Variants in CNTN1 observed in about 807,000 individuals in gnomAD.
CNTN1 encodes contactin-1.
A neutral mutation model predicts 126.4 loss-of-function variants in CNTN1; 38 were observed. That is an observed-to-expected ratio of 0.30 (90% CI 0.23 to 0.39). The LOEUF is 0.39. Ranked by LOEUF, CNTN1 falls within the 10% of genes least tolerant of loss-of-function variation. CNTN1 has a pLI of 1.00. For missense variants in CNTN1, 1,009 were observed against 1,248.4 expected (o/e 0.81, Z 2.89); for synonymous variants, 413 against 422.6 (o/e 0.98, Z 0.28).
chr12:40,880,567 T>A (rs1943836801), intron 1 of CNTN1, among the ~76,000 whole-genome samples: 1 of 152,038 alleles, frequency 6.6e-6, no homozygotes, highest in African/African-American at 2.4e-5. Flanking sequence ...CTATTGGTGC[T>A]ATGTGCAAAA....
intron 1 of CNTN1, among the ~76,000 whole-genome samples, chr12:40,850,952 TG>T (rs1263748719): frequency 1.3e-5 from 2 of 152,234 alleles, no homozygotes; most frequent in African/African-American, 4.8e-5. Context: ...ACCATTTGAT[TG>T]GCACGAAACG....
At chr12:40,762,412 C>G (rs1938898512) in intron 1 of CNTN1, among the ~76,000 whole-genome samples, 1 of 152,066 alleles carries the variant, frequency 6.6e-6, no homozygotes, top group Non-Finnish European at 1.5e-5. Flanking sequence ...GAAGTCATCA[C>G]CTTAGAAAAC....
At chr12:40,878,885 C>T (rs1450046896) in intron 1 of CNTN1, among the ~76,000 whole-genome samples, 3 of 152,036 alleles carry the variant, frequency 2.0e-5, no homozygotes, top group Admixed American at 6.6e-5. Flanking sequence ...CCTAGTTGTT[C>T]GAAGGCTTAC....
At chr12:41,056,856 T>C (rs1237589102) in intron 23 of CNTN1, among the ~76,000 whole-genome samples, 1 of 146,944 alleles carries the variant, frequency 6.8e-6, no homozygotes, top group African/African-American at 2.5e-5. Context: ...GATCATAATT[T>C]ATTATATTAT....
chr12:41,029,700 A>G (rs546026459), intron 23 of CNTN1, among the ~76,000 whole-genome samples: 59 of 152,244 alleles, frequency 3.9e-4, no homozygotes, highest in African/African-American at 1.4e-3. Flanking sequence ...ACTTCTATCA[A>G]AAGGAAATAC....
At position 40,943,619 on chromosome 12, in the gene CNTN1, A is replaced by G; in HGVS notation, c.1402A>G (p.Ser468Gly). The change falls in exon 13 of 24, where the codon AGC becomes GGC. Residue 468 changes from serine (S) to glycine (G), a missense_variant. Ser to Gly is a moderately conservative substitution (Grantham distance 56). Transcript: ENST00000551295. Reference protein sequence around the residue: ...SSRILIWEDGSLEINNITRND... With the variant: ...SSRILIWEDGGLEINNITRND... ...TAGAATACTCATTTGGGAAGATGGTAGCTTGGAAATCAACAACATTACAAG... is the reference window on the plus strand; with the variant it reads ...TAGAATACTCATTTGGGAAGATGGTGGCTTGGAAATCAACAACATTACAAG... 1.9e-6 allele frequency: 3 copies of G among 1,588,866 alleles called. No homozygotes were observed. Among genetic ancestry groups the G allele is most frequent in the South Asian group, 1.1e-5 (1 of 90,636 alleles).
chr12:40,932,969 G>C (rs934209920), intron 7 of CNTN1, among the ~76,000 whole-genome samples: 7 of 151,482 alleles, frequency 4.6e-5, no homozygotes, highest in Non-Finnish European at 7.4e-5. Flanking sequence ...TGTGTTGTCT[G>C]AGTAAATGTT....
chr12:40,732,138 C>T (rs76237529), intron 1 of CNTN1, among the ~76,000 whole-genome samples: 3,320 of 152,008 alleles, frequency 0.022, 51 homozygotes, highest in African/African-American at 0.045. Flanking sequence ...TTTGCCTCAC[C>T]GTATGGAAGG....
At chr12:40,826,842 G>A (rs1941628504) in intron 1 of CNTN1, among the ~76,000 whole-genome samples, 1 of 152,110 alleles carries the variant, frequency 6.6e-6, no homozygotes, top group Admixed American at 6.6e-5. Flanking sequence ...ATGATCAGGT[G>A]GAATGACATA....
intron 1 of CNTN1, among the ~76,000 whole-genome samples, chr12:40,868,019 T>G (rs1327883128): frequency 6.6e-6 from 1 of 151,866 alleles, no homozygotes; most frequent in African/African-American, 2.4e-5. Context: ...TAATTTCTGG[T>G]TTTAGCTTTA....
At chr12:40,693,060 A>G (rs1037363877) in intron 1 of CNTN1, among the ~76,000 whole-genome samples, 1 of 152,184 alleles carries the variant, frequency 6.6e-6, no homozygotes, top group African/African-American at 2.4e-5. Context: ...GCATCCCGGA[A>G]AACCTGGGAG....
rs113806857 is a variant in CNTN1 at position 40,898,013 on chromosome 12, T to C, written c.-76-10344T>C. On this transcript the variant is annotated intron_variant, in intron 1 of 23. Transcript: ENST00000551295. ...TGCTTATTCTTCAAGGGTCTCTGAA[T>C]TTGACCTTTATTATTCTCCTTTCTC... Among the ~76,000 whole-genome samples, 711 of 152,310 alleles carry C rather than the reference T, an allele frequency of 4.7e-3. 6 individuals are homozygous for C. Among genetic ancestry groups the C allele is most frequent in the African/African-American group, 0.013 (532 of 41,576 alleles).
chr12:40,750,295 A>G (rs1938356302), intron 1 of CNTN1, among the ~76,000 whole-genome samples: 1 of 152,084 alleles, frequency 6.6e-6, no homozygotes, highest in South Asian at 2.1e-4. Context: ...CAGGAGGGGA[A>G]TATTCTGGAG....
intron 12 of CNTN1, among the ~76,000 whole-genome samples, chr12:40,941,576 C>G (rs868611158): frequency 1.3e-5 from 2 of 152,112 alleles, no homozygotes; most frequent in Non-Finnish European, 2.9e-5. Flanking sequence ...ATTTTTGGCT[C>G]AAATGATATA....
chr12:40,707,086 A>C (rs888798578), intron 1 of CNTN1, among the ~76,000 whole-genome samples: 1 of 127,214 alleles, frequency 7.9e-6, no homozygotes, highest in Non-Finnish European at 1.7e-5. Flanking sequence ...ACACACACAC[A>C]CACCCCTGCT....
chr12:40,707,424 T>G (rs1273260051), intron 1 of CNTN1, among the ~76,000 whole-genome samples: 1 of 151,992 alleles, frequency 6.6e-6, no homozygotes, highest in Non-Finnish European at 1.5e-5. Flanking sequence ...AATTGTTTTT[T>G]GTATTTTTTA....
intron 1 of CNTN1, among the ~76,000 whole-genome samples, chr12:40,879,933 C>T (rs1394735167): frequency 2.6e-5 from 4 of 151,970 alleles, no homozygotes; most frequent in Non-Finnish European, 5.9e-5. Flanking sequence ...TTATTGCATG[C>T]TACATGAAAA....
At chr12:40,935,977 A>G (rs1453919631) in intron 9 of CNTN1, among the ~76,000 whole-genome samples, 2 of 152,078 alleles carry the variant, frequency 1.3e-5, no homozygotes, top group Non-Finnish European at 2.9e-5. Context: ...AAAATTAAAT[A>G]TTATTCTCCA....
intron 22 of CNTN1, among the ~76,000 whole-genome samples, chr12:41,028,503 TAAG>T (rs759189229): frequency 1.3e-5 from 2 of 152,134 alleles, no homozygotes; most frequent in Non-Finnish European, 2.9e-5. Flanking sequence ...AATCAGAGCT[TAAG>T]GAGGAGAGAG....
Sources: gnomAD v4.1 joint callset for allele counts (sites outside exome capture counted in the v4.1 genomes callset) on GRCh38, gnomAD v4.1.1 for gene constraint, MANE v1.5 for transcripts, NCBI Gene and HGNC (gene_info 2026-07-23, HGNC 2026-07-21) for gene names.